MRPS31: variants seen among roughly 807,000 people sequenced by gnomAD.
The protein encoded by MRPS31 is small ribosomal subunit protein mS31.
In MRPS31, 32 loss-of-function variants were observed where a neutral mutation model predicts 43.1. That is an observed-to-expected ratio of 0.74 (90% CI 0.56 to 1.00). The LOEUF is 1.00. Among genes scored for constraint, MRPS31 ranks in the 50% least tolerant of loss-of-function variants. MRPS31 has a pLI of 0.00. For missense variants in MRPS31, 437 were observed against 466.7 expected (o/e 0.94, Z 0.59); for synonymous variants, 165 against 161.6 (o/e 1.02, Z -0.16).
At position 40,754,052 on chromosome 13, in the gene MRPS31, T is replaced by G; in HGVS notation, c.781A>C (p.Met261Leu). 1 of 1,601,356 alleles carries G rather than the reference T, an allele frequency of 6.2e-7. No individual in the cohort carries two copies. The highest frequency in any genetic ancestry group is 8.5e-7 in the Non-Finnish European group (1 of 1,172,510). ...FTGKRLNIFD[M>L]MAVTKEAPET... Reference sequence around the variant, plus strand: ...GGTGCTTCTTTAGTAACTGCCATCATGTCAAAAATATTAAGTCTTTTCCCT... The same window carrying G: ...GGTGCTTCTTTAGTAACTGCCATCAGGTCAAAAATATTAAGTCTTTTCCCT... The change falls in exon 5 of 7, where the codon ATG becomes CTG. Residue 261 changes from methionine to leucine, a missense_variant. Met to Leu is a conservative substitution (Grantham distance 15). Coordinates refer to ENST00000323563, the MANE Select transcript of MRPS31 (RefSeq NM_005830.4).
chr13:40,756,731 G>A, intron 4 of MRPS31, 142 bp downstream of exon 4: 1 of 959,368 alleles, frequency 1.0e-6, no homozygotes. Context: ...GGTATACAGA[G>A]AGTAAGAACA....
intron 6 of MRPS31, among the ~76,000 whole-genome samples, chr13:40,733,802 C>G (rs1469767491): frequency 6.6e-6 from 1 of 151,818 alleles, no homozygotes; most frequent in African/African-American, 2.4e-5. Flanking sequence ...AAAACCCCGT[C>G]CCTAATAAAA....
chr13:40,751,005 A>C (rs1880376487), intron 5 of MRPS31, among the ~76,000 whole-genome samples: 1 of 151,964 alleles, frequency 6.6e-6, no homozygotes, highest in Non-Finnish European at 1.5e-5. Flanking sequence ...CCACTAAAGC[A>C]TATCAACAAA....
chr13:40,765,411 C>G (rs1880816037), intron 2 of MRPS31, among the ~76,000 whole-genome samples: 2 of 152,164 alleles, frequency 1.3e-5, no homozygotes, highest in Non-Finnish European at 2.9e-5. Flanking sequence ...CTCACTTTAC[C>G]ATTTCTGTAA....
At chr13:40,735,255 T>C (rs1879853207) in intron 6 of MRPS31, among the ~76,000 whole-genome samples, 2 of 152,156 alleles carry the variant, frequency 1.3e-5, no homozygotes, top group African/African-American at 2.4e-5. Context: ...CCAGATTATA[T>C]CCCGCACCTG....
rs535989618 is a variant in MRPS31, at chr13:40,737,881, G to C, written c.959-8280C>G. Among the ~76,000 whole-genome samples, 3 of 151,864 alleles carry C rather than the reference G, an allele frequency of 2.0e-5. No individual in the cohort carries two copies. In the East Asian group the frequency reaches 5.8e-4, roughly 30 times the overall value. On this transcript the variant is annotated intron_variant, in intron 6 of 6. Coordinates refer to ENST00000323563, the MANE Select transcript of MRPS31 (RefSeq NM_005830.4). ...CCTAACATCACAATTAAAAGAACTA[G>C]AAAAGCAAGAGCAAATACATTCAAA...
chr13:40,733,171 T>C (rs1879758922), intron 6 of MRPS31, among the ~76,000 whole-genome samples: 1 of 151,952 alleles, frequency 6.6e-6, no homozygotes, highest in Non-Finnish European at 1.5e-5. Context: ...GCCCAGCTAA[T>C]TTTTGTATTT....
At chr13:40,768,107 TC>T (rs1880901599) in intron 1 of MRPS31, among the ~76,000 whole-genome samples, 1 of 152,212 alleles carries the variant, frequency 6.6e-6, no homozygotes, top group African/African-American at 2.4e-5. Flanking sequence ...AATCCAAATA[TC>T]CAATTTTATT....
In MRPS31 at chr13:40,767,143, A is replaced by T. The variant is rs985675379; in HGVS notation, c.153-110T>A. ...ACTATGTATCTAAGATTTTTTTTCAATTCAAGCCCTTTCCGTTGCTTTTTT... is the reference window on the plus strand; with the variant it reads ...ACTATGTATCTAAGATTTTTTTTCATTTCAAGCCCTTTCCGTTGCTTTTTT... On this transcript the variant is annotated intron_variant, in intron 1 of 6. Transcript: ENST00000323563. The T allele has an allele frequency of 1.5e-5, 14 of 910,410 alleles. No homozygotes were observed. The African/African-American group carries it at 1.9e-4, about 13-fold the overall frequency. 56.4% of individuals were successfully genotyped at this position (910,410 alleles called of 1,614,324 possible). A position where few individuals can be genotyped will look rare whatever the true frequency, so the allele number is the denominator to read the frequency against.
At chr13:40,762,913 A>G (rs1041497362) in intron 2 of MRPS31, among the ~76,000 whole-genome samples, 1 of 151,526 alleles carries the variant, frequency 6.6e-6, no homozygotes, top group Non-Finnish European at 1.5e-5. Context: ...GTTTTGTTCA[A>G]TGTCCAATCT....
chr13:40,758,773 T>C (rs1383374461), intron 3 of MRPS31, among the ~76,000 whole-genome samples, 175 bp downstream of exon 3: 1 of 152,256 alleles, frequency 6.6e-6, no homozygotes, highest in Non-Finnish European at 1.5e-5. Context: ...TTAAAAACTA[T>C]AATCATACTT....
At chr13:40,764,017 G>A (rs763637847) in intron 2 of MRPS31, among the ~76,000 whole-genome samples, 1 of 152,200 alleles carries the variant, frequency 6.6e-6, no homozygotes, top group Non-Finnish European at 1.5e-5. Context: ...AAGATGAGTA[G>A]AGAAGACACA....
intron 6 of MRPS31, 46 bp from the exon 7 acceptor site, chr13:40,729,647 A>T (rs770745073): frequency 8.5e-7 from 1 of 1,180,322 alleles, no homozygotes; most frequent in Non-Finnish European, 1.2e-6. Flanking sequence ...TTAAATACAA[A>T]ACCTACATCA....
chr13:40,734,172 T>G (rs1404579025), intron 6 of MRPS31, among the ~76,000 whole-genome samples: 9 of 152,256 alleles, frequency 5.9e-5, no homozygotes, highest in African/African-American at 1.9e-4. Context: ...CAATCTTGAT[T>G]TTTATCCTCA....
rs112789500 is a variant in MRPS31, at chr13:40,743,722, A to G, written c.958+5416T>C. On this transcript the variant is annotated intron_variant, in intron 6 of 6. Transcript: ENST00000323563. ...ACAACAGATGCTCCTAAGGTTGCAGAGGAAAGGGAATGCTTATAAACTGTT... is the reference window on the plus strand; with the variant it reads ...ACAACAGATGCTCCTAAGGTTGCAGGGGAAAGGGAATGCTTATAAACTGTT... 2.2e-3 allele frequency among the ~76,000 whole-genome samples: 339 copies of G among 152,372 alleles called. 1 individual carries two copies. Among genetic ancestry groups the G allele is most frequent in the African/African-American group, 7.9e-3 (328 of 41,586 alleles).
At chr13:40,758,129 C>G (rs548197762) in intron 3 of MRPS31, among the ~76,000 whole-genome samples, 57 of 144,172 alleles carry the variant, frequency 4.0e-4, no homozygotes, top group African/African-American at 1.5e-3. Context: ...GGCGACAGAG[C>G]GAGACTCCGT....
At chr13:40,754,876 CA>C (rs545304428) in intron 4 of MRPS31, among the ~76,000 whole-genome samples, 5 of 151,680 alleles carry the variant, frequency 3.3e-5, no homozygotes, top group Admixed American at 6.6e-5. Flanking sequence ...TAAAAACACA[CA>C]AAAAAAATTA....
chr13:40,758,149 A>G (rs1045323983), intron 3 of MRPS31, among the ~76,000 whole-genome samples: 2 of 151,858 alleles, frequency 1.3e-5, no homozygotes, highest in Non-Finnish European at 1.5e-5. Context: ...TCTCAAAAAA[A>G]AAAAAAAAAA....
At chr13:40,738,840 G>T (rs2137997030) in intron 6 of MRPS31, among the ~76,000 whole-genome samples, 1 of 152,228 alleles carries the variant, frequency 6.6e-6, no homozygotes, top group South Asian at 2.1e-4. Context: ...CATACTGAAT[G>T]GGCAAAAACT....
Sources: gnomAD v4.1 joint callset for allele counts (sites outside exome capture counted in the v4.1 genomes callset) on GRCh38, gnomAD v4.1.1 for gene constraint, MANE v1.5 for transcripts, NCBI Gene and HGNC (gene_info 2026-07-23, HGNC 2026-07-21) for gene names.